The following MROH2B variants were observed in gnomAD, a reference collection of about 807,000 sequenced individuals.
MROH2B encodes the protein maestro heat-like repeat-containing protein family member 2B.
MROH2B carries 177 observed loss-of-function variants against 208.6 expected under a neutral mutation model. The observed-to-expected ratio is 0.85, with a 90% CI of 0.75 to 0.96. MROH2B has a LOEUF of 0.96. MROH2B is among the 40% of genes least tolerant of loss of function. MROH2B has a pLI of 0.00. For synonymous variants in MROH2B, 728 were observed against 659.0 expected (o/e 1.10, Z -1.60); for missense variants, 2,002 against 1,878.7 (o/e 1.07, Z -1.21).
chr5:41,015,813 G>C (rs1204106135), intron 28 of MROH2B, among the ~76,000 whole-genome samples: 1 of 152,182 alleles, frequency 6.6e-6, no homozygotes, highest in Admixed American at 6.6e-5. Flanking sequence ...ACCCTGGTCT[G>C]TCTGACACAA....
intron 32 of MROH2B, 139 bp from the exon 33 acceptor site, chr5:41,008,932 C>T: frequency 1.1e-6 from 1 of 876,988 alleles, no homozygotes; most frequent in Non-Finnish European, 1.7e-6. Flanking sequence ...GGAAATTTCT[C>T]AACTCAGGGC....
intron 29 of MROH2B, among the ~76,000 whole-genome samples, chr5:41,014,062 G>T (rs1243903322): frequency 1.3e-5 from 2 of 152,152 alleles, no homozygotes; most frequent in African/African-American, 4.8e-5. Flanking sequence ...TAGCCTAGAA[G>T]AGGCATTTGC....
At chr5:41,066,996 C>A in intron 3 of MROH2B, 112 bp downstream of exon 3, 1 of 690,470 alleles carries the variant, frequency 1.4e-6, no homozygotes. Context: ...CCACAAAGAA[C>A]AAATACAAGT....
intron 22 of MROH2B, 134 bp from the exon 23 acceptor site, chr5:41,033,294 A>G (rs1413353792): frequency 1.6e-6 from 2 of 1,268,198 alleles, no homozygotes; most frequent in Middle Eastern, 2.0e-4. Flanking sequence ...TCTCTACTCC[A>G]GACTAGGGTC....
intron 12 of MROH2B, 52 bp downstream of exon 12, chr5:41,052,413 A>G: frequency 6.8e-7 from 1 of 1,477,010 alleles, no homozygotes; most frequent in South Asian, 1.6e-5. Flanking sequence ...AACATAGTTG[A>G]GCGAACTGTA....
At chr5:41,010,218 C>T in intron 30 of MROH2B, 139 bp from the exon 31 acceptor site, 2 of 785,444 alleles carry the variant, frequency 2.5e-6, no homozygotes, top group South Asian at 2.6e-5. Flanking sequence ...TCACATGTGG[C>T]CTATTTCTCA....
chr5:41,048,421 A>T lies in MROH2B; in HGVS notation c.1587T>A (p.Gly529=). The part of the protein sequence containing the change: ...PASLGELRGA[G]AIGLLKILPE... ...GCAGTATCTTCAAAAGCCCTATTGC[A>T]CCAGCCCCACGTAACTCCCCTAAAC... The change falls in exon 16 of 42, where the codon GGT becomes GGA. Residue 529 remains glycine, a synonymous_variant. Transcript: ENST00000399564. The T allele has an allele frequency of 6.2e-7, 1 of 1,613,612 alleles. No individual in the cohort carries two copies. Among genetic ancestry groups the T allele is most frequent in the Non-Finnish European group, 8.5e-7 (1 of 1,179,704 alleles).
chr5:41,057,028 A>G, intron 9 of MROH2B, 81 bp downstream of exon 9: 1 of 1,354,646 alleles, frequency 7.4e-7, no homozygotes, highest in South Asian at 1.2e-5. Context: ...AGTTAATGTG[A>G]CAGTTTGCCC....
chr5:41,064,436 G>A, intron 5 of MROH2B, 36 bp downstream of exon 5: 1 of 1,568,438 alleles, frequency 6.4e-7, no homozygotes, highest in Non-Finnish European at 8.8e-7. Context: ...TCACAGCCTG[G>A]TTTTTAAGCA....
At chr5:41,061,814 G>C in intron 5 of MROH2B, 90 bp from the exon 6 acceptor site, 3 of 1,329,442 alleles carry the variant, frequency 2.3e-6, no homozygotes, top group Non-Finnish European at 3.1e-6. Context: ...CTGATGATTA[G>C]TAAATATGTA....
chr5:41,004,317 G>A (rs756805960), intron 37 of MROH2B, 29 bp downstream of exon 37: 7 of 1,604,412 alleles, frequency 4.4e-6, no homozygotes, highest in South Asian at 1.1e-5. Context: ...CACTTCTGGG[G>A]AGGGAAGTTC....
chr5:41,026,638 T>TC (rs1742370990), intron 24 of MROH2B, among the ~76,000 whole-genome samples: 1 of 152,152 alleles, frequency 6.6e-6, no homozygotes, highest in Non-Finnish European at 1.5e-5. Flanking sequence ...TTCAATGCCA[T>TC]CCCTGTCAAG....
chr5:41,011,032 A>G (rs771067134), intron 30 of MROH2B, among the ~76,000 whole-genome samples: 1 of 152,154 alleles, frequency 6.6e-6, no homozygotes. Context: ...GAGAATGAAG[A>G]TAATAAAAGA....
intron 39 of MROH2B, 123 bp downstream of exon 39, chr5:41,000,097 T>A (rs1363288686): frequency 1.5e-6 from 2 of 1,305,682 alleles, no homozygotes; most frequent in Non-Finnish European, 2.1e-6. Context: ...AGGATATCAC[T>A]GCCATCCTTC....
intron 24 of MROH2B, among the ~76,000 whole-genome samples, chr5:41,030,907 CAATT>C (rs1342985561): frequency 2.0e-5 from 3 of 151,932 alleles, no homozygotes; most frequent in Non-Finnish European, 4.4e-5. Context: ...TATTTTGCCA[CAATT>C]AAACATTAAC....
chr5:41,000,689 T>C lies in MROH2B; in HGVS notation c.4339A>G (p.Lys1447Glu), dbSNP rs780611554. 6.5e-5 allele frequency: 104 copies of C among 1,610,942 alleles called. 3 individuals carry two copies. The South Asian group carries it at 1.1e-3, about 16-fold the overall frequency. ...TGGAGAGCACTTACAACTCCAATCT[T>C]GGGGTTGGGATCCCAAAGGTGCAGA... ...FLLHLWDPNP[K>E]IGVACRDVLM... Residue 1447 changes from lysine (K) to glutamate (E), a missense_variant, in exon 38 of 42, where the codon AAG (lysine) becomes GAG (glutamate). By Grantham distance (56) the Lys-to-Glu change is moderately conservative. Coordinates refer to ENST00000399564, the MANE Select transcript of MROH2B (RefSeq NM_173489.5).
chr5:41,004,345 C>T lies in MROH2B; in HGVS notation c.4194+1G>A. The T allele has an allele frequency of 6.2e-7, 1 of 1,612,426 alleles. No individual in the cohort carries two copies. Among genetic ancestry groups the T allele is most frequent in the Non-Finnish European group, 8.5e-7 (1 of 1,179,392 alleles). ...GGAAGTTCCTAAACAGGCTCACTTA[C>T]ATCTTCAAAGAAGGTCCTTGTTTGC... On this transcript the variant is annotated splice_donor_variant, in intron 37 of 41. Coordinates refer to ENST00000399564, the MANE Select transcript of MROH2B (RefSeq NM_173489.5). LOFTEE classifies it high-confidence loss of function.
chr5:41,041,528 G>A (rs1472440204), intron 19 of MROH2B, among the ~76,000 whole-genome samples: 2 of 152,142 alleles, frequency 1.3e-5, no homozygotes, highest in Admixed American at 1.3e-4. Context: ...GGAGAATGAG[G>A]CAGGAGAATC....
Position 41,065,374 on chromosome 5 carries a change from A to G in MROH2B, c.318T>C (p.Asp106=). 1 of 1,613,432 alleles carries G rather than the reference A, an allele frequency of 6.2e-7. No homozygotes were observed. Among genetic ancestry groups the G allele is most frequent in the Non-Finnish European group, 8.5e-7 (1 of 1,179,594 alleles). Residue 106 remains aspartate (D), a synonymous_variant, in exon 4 of 42, where the codon GAT becomes GAC. Coordinates refer to ENST00000399564, the MANE Select transcript of MROH2B (RefSeq NM_173489.5). ...QSNFRILELP[D]EFVVLALAEL... is the part of the protein sequence containing the mutation. ...CAGCCAGGGCAAGCACAACGAATTC[A>G]TCTGGTAGCTCTAAGATCCTGAAGT...
Sources: allele counts gnomAD v4.1 joint callset (sites outside exome capture counted in the v4.1 genomes callset), GRCh38; gene constraint gnomAD v4.1.1; transcripts MANE v1.5; gene names NCBI Gene and HGNC (gene_info 2026-07-23, HGNC 2026-07-21).